Variants in KLRG1 observed in about 807,000 individuals in gnomAD.
The protein encoded by KLRG1 is killer cell lectin-like receptor subfamily G member 1.
A neutral mutation model predicts 21.8 loss-of-function variants in KLRG1; 16 were observed. That is an observed-to-expected ratio of 0.73 (90% CI 0.50 to 1.11). KLRG1 has a LOEUF of 1.11. Ranked by LOEUF, KLRG1 falls within the 50% of genes most tolerant of loss-of-function variation. KLRG1 has a pLI of 0.00. For missense variants in KLRG1, 173 were observed against 218.3 expected, an observed-to-expected ratio of 0.79 and a Z score of 1.31; for synonymous variants, 69 against 75.9, an observed-to-expected ratio of 0.91 and a Z score of 0.47.
At chr12:9,182,119 T>A in the KLRG1 span, 2 of 821,292 alleles carry the variant, frequency 2.4e-6, no homozygotes, top group Non-Finnish European at 3.3e-6. Context: ...TGCCTTTCAC[T>A]GGAACATGGA....
At chr12:9,200,026 C>CGTGT in the KLRG1 span, among the ~76,000 whole-genome samples, 1 of 152,054 alleles carries the variant, frequency 6.6e-6, no homozygotes, top group African/African-American at 2.4e-5. Flanking sequence ...GTTAAGTGAT[C>CGTGT]GTGTTGTCGC....
At chr12:9,090,257 T>C in the KLRG1 span, 1 of 1,565,626 alleles carries the variant, frequency 6.4e-7, no homozygotes, top group African/African-American at 1.4e-5. Context: ...TCGCAGCATC[T>C]AGTGGTCTTT....
At chr12:9,024,018 ATTTTTTTT>A in the KLRG1 span, among the ~76,000 whole-genome samples, 12 of 70,940 alleles carry the variant, frequency 1.7e-4, no homozygotes, top group African/African-American at 7.1e-4. Flanking sequence ...GAACACATGG[ATTTTTTTT>A]TTTTTTTTTT....
chr12:8,983,991 G>A (rs759391842), intron 1 of KLRG1, among the ~76,000 whole-genome samples: 19 of 151,896 alleles, frequency 1.3e-4, no homozygotes, highest in Admixed American at 6.6e-5. Context: ...ATTCCTTTCC[G>A]ATTTCATTAT....
At chr12:9,068,062 G>A in the KLRG1 span, 1 of 1,186,454 alleles carries the variant, frequency 8.4e-7, no homozygotes, top group Non-Finnish European at 1.2e-6. Flanking sequence ...CTATAATAAT[G>A]TGCAGTGTGA....
the KLRG1 span, among the ~76,000 whole-genome samples, chr12:9,086,392 C>T: frequency 6.6e-5 from 10 of 152,150 alleles, no homozygotes; most frequent in African/African-American, 9.6e-5. Context: ...ACCAACCACA[C>T]GAAATAAACT....
At chr12:9,041,447 A>G in the KLRG1 span, among the ~76,000 whole-genome samples, 4 of 152,202 alleles carry the variant, frequency 2.6e-5, no homozygotes, top group African/African-American at 9.7e-5. Flanking sequence ...ATTTTTTGCC[A>G]TGTGTCCTTG....
At chr12:8,971,370 A>G (rs771242170) in intron 1 of KLRG1, 1 of 147,500 alleles carries the variant, frequency 6.8e-6, no homozygotes, top group Non-Finnish European at 1.5e-5. Flanking sequence ...ATTTATTGAC[A>G]TAAAGATATA....
chr12:9,016,270 GA>G, the KLRG1 span, among the ~76,000 whole-genome samples: 14 of 151,088 alleles, frequency 9.3e-5, no homozygotes, highest in East Asian at 3.9e-4. Context: ...TACTACGTAA[GA>G]AAAAAAAGAG....
chr12:9,132,426 G>A, the KLRG1 span, among the ~76,000 whole-genome samples: 1 of 152,210 alleles, frequency 6.6e-6, no homozygotes, highest in Non-Finnish European at 1.5e-5. Flanking sequence ...GTGGCTTAGG[G>A]ATTAGGCTAA....
chr12:9,003,021 A>G lies in KLRG1; in HGVS notation c.358-5954A>G, dbSNP rs773097206. On this transcript the variant is annotated intron_variant, in intron 3 of 4. Transcript: ENST00000356986. ...CCTCTTCCAAGTGGGAAGATTTTCG[A>G]GTGAAAGTGCCATAATAAACATTTT... Among the ~76,000 whole-genome samples the G allele has an allele frequency of 1.9e-4, 29 of 151,984 alleles. No homozygotes were observed. In the South Asian group the frequency reaches 6.0e-3, roughly 32 times the overall value.
At chr12:9,088,218 T>C in the KLRG1 span, among the ~76,000 whole-genome samples, 1 of 151,690 alleles carries the variant, frequency 6.6e-6, no homozygotes, top group African/African-American at 2.4e-5. Flanking sequence ...CTGAAAAATG[T>C]TCAGGGGGGT....
chr12:9,118,983 C>G, the KLRG1 span, among the ~76,000 whole-genome samples: 1 of 152,108 alleles, frequency 6.6e-6, no homozygotes, highest in Admixed American at 6.5e-5. Context: ...CAGGAGCACC[C>G]AAGTGGAGCA....
chr12:9,017,137 A>G, the KLRG1 span, among the ~76,000 whole-genome samples: 1 of 151,676 alleles, frequency 6.6e-6, no homozygotes, highest in Non-Finnish European at 1.5e-5. Flanking sequence ...GGTGGTGGGC[A>G]TCTGTAATCC....
the KLRG1 span, among the ~76,000 whole-genome samples, chr12:9,052,494 C>T: frequency 6.6e-6 from 1 of 152,242 alleles, no homozygotes; most frequent in Non-Finnish European, 1.5e-5. Context: ...CCAAGGGTCT[C>T]ACAGATGCCT....
At chr12:9,200,091 A>T in the KLRG1 span, among the ~76,000 whole-genome samples, 1 of 152,224 alleles carries the variant, frequency 6.6e-6, no homozygotes, top group Admixed American at 6.5e-5. Flanking sequence ...ATGTACAGAA[A>T]AATATCATGA....
In KLRG1 at chr12:8,952,627, A is replaced by G. The variant is rs111907792; in HGVS notation, c.-156+2391A>G. Among the ~76,000 whole-genome samples the G allele has an allele frequency of 5.0e-3, 761 of 152,344 alleles. 3 individuals are homozygous for G. The highest frequency in any genetic ancestry group is 9.9e-3 in the Admixed American group (152 of 15,302). ...TACAAAGAACTCTGGTACACATTTT[A>G]CCTAAATTCATCTTTTTCCCCTCCA... On this transcript the variant is annotated intron_variant, in intron 1 of 4. Coordinates refer to the KLRG1 transcript ENST00000539240.
At chr12:9,088,029 C>CG in the KLRG1 span, among the ~76,000 whole-genome samples, 1 of 151,764 alleles carries the variant, frequency 6.6e-6, no homozygotes, top group African/African-American at 2.4e-5. Context: ...AAAAGCAATT[C>CG]CAAGGAAAGA....
intron 1 of KLRG1, among the ~76,000 whole-genome samples, chr12:8,977,384 TTTTTTA>T (rs957811384): frequency 1.7e-4 from 25 of 149,270 alleles, no homozygotes; most frequent in Middle Eastern, 3.4e-3. Context: ...TTTTTTTTTT[TTTTTTA>T]TTTGTAGTAG....
Sources: allele counts gnomAD v4.1 joint callset (sites outside exome capture counted in the v4.1 genomes callset), GRCh38; gene constraint gnomAD v4.1.1; transcripts MANE v1.5; gene names NCBI Gene and HGNC (gene_info 2026-07-23, HGNC 2026-07-21).